The following DCAF5 variants were observed in gnomAD, a reference collection of about 807,000 sequenced individuals.
DCAF5 encodes DDB1 and CUL4 associated factor 5.
Under a neutral mutation model 80.7 loss-of-function variants are expected in DCAF5, and 9 were observed. That is an observed-to-expected ratio of 0.11 (90% CI 0.07 to 0.19). The LOEUF (loss-of-function observed/expected upper bound fraction) is 0.19. Among genes scored for constraint, DCAF5 ranks in the 10% least tolerant of loss-of-function variants. DCAF5 has a pLI of 1.00. For missense variants in DCAF5, 842 were observed against 1,205.7 expected, an observed-to-expected ratio of 0.70 and a Z score of 4.47; for synonymous variants, 433 against 461.9, an observed-to-expected ratio of 0.94 and a Z score of 0.80.
intron 1 of DCAF5, among the ~76,000 whole-genome samples, chr14:69,138,018 G>T (rs550766974): frequency 1.3e-5 from 2 of 152,212 alleles, no homozygotes; most frequent in South Asian, 4.1e-4. Context: ...CCACAGATGA[G>T]GGGGGACTAC....
At chr14:69,084,293 G>C (rs1287458811) in intron 6 of DCAF5, 3 of 957,584 alleles carry the variant, frequency 3.1e-6, no homozygotes, top group Non-Finnish European at 5.1e-6. Context: ...CAACATCACT[G>C]TGGTCACACC....
At chr14:69,122,652 G>A (rs974666368) in intron 1 of DCAF5, among the ~76,000 whole-genome samples, 2 of 152,154 alleles carry the variant, frequency 1.3e-5, no homozygotes, top group Non-Finnish European at 2.9e-5. Flanking sequence ...TTCCAGAGTT[G>A]TTTAAATATT....
intron 6 of DCAF5, among the ~76,000 whole-genome samples, chr14:69,076,711 G>C (rs1301757377): frequency 6.6e-6 from 1 of 152,156 alleles, no homozygotes; most frequent in Admixed American, 6.6e-5. Flanking sequence ...GGTGATGGCT[G>C]CACAGCAATG....
chr14:69,112,332 A>G (rs910915177), intron 5 of DCAF5, among the ~76,000 whole-genome samples: 1 of 152,206 alleles, frequency 6.6e-6, no homozygotes, highest in Non-Finnish European at 1.5e-5. Flanking sequence ...CAGACTTCAG[A>G]GTATGACAGG....
At chr14:69,146,167 T>C (rs184706600) in intron 1 of DCAF5, among the ~76,000 whole-genome samples, 1 of 152,234 alleles carries the variant, frequency 6.6e-6, no homozygotes, top group Non-Finnish European at 1.5e-5. Context: ...TTGCTCTCTT[T>C]AGGAAATCTT....
At chr14:69,143,045 G>A (rs2041423029) in intron 1 of DCAF5, among the ~76,000 whole-genome samples, 1 of 152,130 alleles carries the variant, frequency 6.6e-6, no homozygotes, top group East Asian at 1.9e-4. Flanking sequence ...GCAAACATCA[G>A]AATCTAGGTG....
intron 7 of DCAF5, among the ~76,000 whole-genome samples, chr14:69,071,091 C>T (rs1263995422): frequency 1.3e-5 from 2 of 152,182 alleles, no homozygotes; most frequent in South Asian, 2.1e-4. Flanking sequence ...AGCCACTGCA[C>T]CCGGCCCCTT....
At chr14:69,132,095 A>G (rs1466262758) in intron 1 of DCAF5, among the ~76,000 whole-genome samples, 1 of 152,240 alleles carries the variant, frequency 6.6e-6, no homozygotes, top group Non-Finnish European at 1.5e-5. Flanking sequence ...TAATGCCACT[A>G]TGAACATTAG....
chr14:69,072,395 A>G (rs2038726222), intron 7 of DCAF5, among the ~76,000 whole-genome samples: 1 of 152,066 alleles, frequency 6.6e-6, no homozygotes, highest in Non-Finnish European at 1.5e-5. Flanking sequence ...TGGAGGTAAT[A>G]AAAAAGAACA....
At chr14:69,109,607 T>A (rs1318241605) in intron 5 of DCAF5, among the ~76,000 whole-genome samples, 1 of 152,244 alleles carries the variant, frequency 6.6e-6, no homozygotes, top group East Asian at 1.9e-4. Context: ...TTCAATATTA[T>A]GACCGTGAGA....
At chr14:69,103,967 T>C (rs573042177) in intron 5 of DCAF5, among the ~76,000 whole-genome samples, 3 of 152,336 alleles carry the variant, frequency 2.0e-5, no homozygotes, top group Non-Finnish European at 4.4e-5. Flanking sequence ...TGAGTAGCAG[T>C]CTGTGGTATG....
chr14:69,069,248 T>C (rs1299400134), intron 7 of DCAF5, among the ~76,000 whole-genome samples: 1 of 151,596 alleles, frequency 6.6e-6, no homozygotes, highest in Non-Finnish European at 1.5e-5. Context: ...CCAGTGGGGG[T>C]GGTTACAGTG....
chr14:69,103,613 A>G (rs1303092886), intron 5 of DCAF5, among the ~76,000 whole-genome samples: 1 of 152,238 alleles, frequency 6.6e-6, no homozygotes, highest in African/African-American at 2.4e-5. Context: ...TCAGCTATAC[A>G]TGCATTCATT....
chr14:69,101,769 T>A (rs535768957), intron 5 of DCAF5, among the ~76,000 whole-genome samples: 1 of 152,220 alleles, frequency 6.6e-6, no homozygotes, highest in African/African-American at 2.4e-5. Flanking sequence ...CTGTACAGCA[T>A]GTTACTATAT....
chr14:69,133,623 G>T (rs2041106413), intron 1 of DCAF5, among the ~76,000 whole-genome samples: 1 of 152,210 alleles, frequency 6.6e-6, no homozygotes, highest in Admixed American at 6.5e-5. Context: ...CACTACAGAA[G>T]TAGCTATAGG....
intron 1 of DCAF5, among the ~76,000 whole-genome samples, chr14:69,129,448 A>T (rs1595048430): frequency 6.6e-6 from 1 of 152,230 alleles, no homozygotes; most frequent in South Asian, 2.1e-4. Flanking sequence ...TTCACCCAGC[A>T]GAGGGCGCTA....
intron 1 of DCAF5, among the ~76,000 whole-genome samples, chr14:69,137,716 C>T (rs868623194): frequency 6.6e-6 from 1 of 152,152 alleles, no homozygotes; most frequent in Non-Finnish European, 1.5e-5. Flanking sequence ...TACAGTAAGC[C>T]CCTTTGCCCA....
At chr14:69,119,464 C>T (rs953571869) in intron 2 of DCAF5, among the ~76,000 whole-genome samples, 1 of 150,556 alleles carries the variant, frequency 6.6e-6, no homozygotes, top group Admixed American at 6.6e-5. Flanking sequence ...TAACAGTTCC[C>T]AATGTGTATT....
intron 7 of DCAF5, among the ~76,000 whole-genome samples, chr14:69,070,508 T>C (rs2038645240): frequency 1.3e-5 from 2 of 152,230 alleles, no homozygotes; most frequent in Admixed American, 1.3e-4. Flanking sequence ...ACAAATACTA[T>C]TATGTAACTT....
Sources: allele counts gnomAD v4.1 joint callset (sites outside exome capture counted in the v4.1 genomes callset), GRCh38; gene constraint gnomAD v4.1.1; transcripts MANE v1.5; gene names NCBI Gene and HGNC (gene_info 2026-07-23, HGNC 2026-07-21).